The following RASGRP3 variants were observed in gnomAD, a reference collection of about 807,000 sequenced individuals.
The protein encoded by RASGRP3 is RAS guanyl releasing protein 3, also known as ras guanyl-releasing protein 3.
Under a neutral mutation model 82.7 loss-of-function variants are expected in RASGRP3, and 54 were observed. The ratio of observed to expected loss-of-function variants is 0.65; its 90% confidence interval spans 0.52 to 0.82. The LOEUF is 0.82. RASGRP3 is among the 40% of genes least tolerant of loss of function. RASGRP3 has a pLI of 0.00. For synonymous variants in RASGRP3, 309 were observed against 300.5 expected (o/e 1.03, Z -0.29); for missense variants, 861 against 828.9 (o/e 1.04, Z -0.48).
intron 3 of RASGRP3, among the ~76,000 whole-genome samples, chr2:33,515,724 C>T (rs531961862): frequency 9.3e-4 from 141 of 152,306 alleles, no homozygotes; most frequent in African/African-American, 3.2e-3. Flanking sequence ...CTAGATTATA[C>T]ACTTTTCAGC....
chr2:33,512,448 G>A (rs1465450270), intron 2 of RASGRP3, among the ~76,000 whole-genome samples: 3 of 152,148 alleles, frequency 2.0e-5, no homozygotes, highest in Admixed American at 1.3e-4. Flanking sequence ...CTTGTTAATT[G>A]TTCAATCTTG....
rs531880386 is a variant in RASGRP3, at chr2:33,446,061, T to C, written c.-384-1759T>C. On this transcript the variant is annotated intron_variant, in intron 1 of 18. Transcript: ENST00000402538. Reference sequence around the variant, plus strand: ...CTAATTTTACTGTTAAACTTTGTGCTTGCCTTTTCCTGAAGGACAAAGTAC... The same window carrying C: ...CTAATTTTACTGTTAAACTTTGTGCCTGCCTTTTCCTGAAGGACAAAGTAC... 2.0e-5 allele frequency among the ~76,000 whole-genome samples: 3 copies of C among 152,362 alleles called. No individual in the cohort carries two copies. The South Asian group carries it at 6.2e-4, about 32-fold the overall frequency.
intron 17 of RASGRP3, among the ~76,000 whole-genome samples, 173 bp from the exon 18 acceptor site, chr2:33,562,555 GC>G (rs1558534741): frequency 1.3e-5 from 2 of 152,144 alleles, no homozygotes; most frequent in Non-Finnish European, 2.9e-5. Context: ...ATAGGTGTGA[GC>G]CACTGCACCC....
intron 1 of RASGRP3, among the ~76,000 whole-genome samples, chr2:33,492,413 TAGATCTCC>T (rs1349082429): frequency 6.6e-6 from 1 of 152,230 alleles, no homozygotes; most frequent in Non-Finnish European, 1.5e-5. Context: ...CAGGATTGTA[TAGATCTCC>T]AGTCCTTGGT....
At chr2:33,528,363 C>T (rs530098554) in intron 10 of RASGRP3, among the ~76,000 whole-genome samples, 2 of 152,206 alleles carry the variant, frequency 1.3e-5, no homozygotes, top group Non-Finnish European at 2.9e-5. Flanking sequence ...ACATGTTTAG[C>T]TGGTCTCTGC....
chr2:33,502,967 T>C (rs1421054525), intron 1 of RASGRP3, among the ~76,000 whole-genome samples: 2 of 152,200 alleles, frequency 1.3e-5, no homozygotes, highest in African/African-American at 4.8e-5. Flanking sequence ...AAAGCTAATC[T>C]GGCATGGTAG....
In RASGRP3 at chr2:33,556,231, CTTTTTTTTTTTTTTT is replaced by C. The variant is rs573022728; in HGVS notation, c.1579+677_1579+691del. Among the ~76,000 whole-genome samples the C allele has an allele frequency of 1.7e-4, 10 of 57,498 alleles. 2 individuals are homozygous for C. Among genetic ancestry groups the C allele is most frequent in the Non-Finnish European group, 8.5e-5 (3 of 35,342 alleles). 37.7% of individuals were successfully genotyped at this position (57,498 alleles called of 152,430 possible). On this transcript the variant is annotated intron_variant, in intron 15 of 17. Transcript: ENST00000403687. ...CAGTTTATATGGTTCTTCTAATAAT[CTTTTTTTTTTTTTTT>C]TTTTTTTTTTTTGAGACGGAGTCTC...
chr2:33,555,224 C>T, intron 14 of RASGRP3: 1 of 222,990 alleles, frequency 4.5e-6, no homozygotes, highest in Non-Finnish European at 8.7e-6. Flanking sequence ...ACCAAGTGGC[C>T]ATCTCCTCTG....
At chr2:33,552,296 T>C (rs1268637040) in intron 14 of RASGRP3, among the ~76,000 whole-genome samples, 2 of 152,194 alleles carry the variant, frequency 1.3e-5, no homozygotes, top group Non-Finnish European at 2.9e-5. Flanking sequence ...ATTCACCATC[T>C]TTGGGTCTAT....
intron 3 of RASGRP3, among the ~76,000 whole-genome samples, chr2:33,515,923 A>G (rs762427173): frequency 5.9e-5 from 9 of 152,222 alleles, no homozygotes; most frequent in South Asian, 2.1e-4. Context: ...TCTGACAATC[A>G]TTTTTAGTGT....
At chr2:33,498,118 T>C (rs1669495616) in intron 1 of RASGRP3, among the ~76,000 whole-genome samples, 1 of 152,182 alleles carries the variant, frequency 6.6e-6, no homozygotes, top group Non-Finnish European at 1.5e-5. Context: ...ATAGGAATCA[T>C]TGCATCCCTC....
chr2:33,516,614 C>T lies in RASGRP3; in HGVS notation c.143C>T (p.Ser48Phe), dbSNP rs1220572415. The T allele has an allele frequency of 1.3e-6, 2 of 1,586,912 alleles. No homozygotes were observed. Among genetic ancestry groups the T allele is most frequent in the South Asian group, 1.1e-5 (1 of 87,812 alleles). ...VLLMHRWYLS[S>F]TELAEKLLCM... Reference sequence around the variant, plus strand: ...CTGATGCACCGATGGTATTTATCTTCCACTGAATTGGCAGAAAAACTTCTC... The same window carrying T: ...CTGATGCACCGATGGTATTTATCTTTCACTGAATTGGCAGAAAAACTTCTC... The change falls in exon 4 of 18, where the codon TCC becomes TTC. Residue 48 changes from serine to phenylalanine, a missense_variant. Ser to Phe is a radical substitution (Grantham distance 155). Transcript: ENST00000403687.
chr2:33,444,404 T>C (rs540052741), intron 1 of RASGRP3, among the ~76,000 whole-genome samples: 6 of 152,332 alleles, frequency 3.9e-5, no homozygotes, highest in Non-Finnish European at 4.4e-5. Context: ...AAACTTTATA[T>C]TCCCTTTTTG....
At chr2:33,483,979 G>T (rs1574306301) in intron 1 of RASGRP3, among the ~76,000 whole-genome samples, 1 of 152,082 alleles carries the variant, frequency 6.6e-6, no homozygotes. Flanking sequence ...AGACAGAGAG[G>T]TGATCAATCT....
chr2:33,442,223 G>T (rs568152064), intron 1 of RASGRP3, among the ~76,000 whole-genome samples: 1 of 152,182 alleles, frequency 6.6e-6, no homozygotes, highest in Non-Finnish European at 1.5e-5. Flanking sequence ...ACTTAGCCAG[G>T]CGTGATGGCA....
chr2:33,506,653 C>G (rs1017995345), intron 1 of RASGRP3, among the ~76,000 whole-genome samples: 6 of 152,192 alleles, frequency 3.9e-5, no homozygotes, highest in African/African-American at 1.4e-4. Flanking sequence ...ATTTTTAAAT[C>G]TAGGAAAATC....
intron 2 of RASGRP3, among the ~76,000 whole-genome samples, chr2:33,462,270 G>A (rs1305547564): frequency 1.3e-5 from 2 of 152,088 alleles, no homozygotes; most frequent in African/African-American, 4.8e-5. Context: ...AAGGAGGCCT[G>A]TGTTGATTGT....
chr2:33,558,222 A>G lies in RASGRP3; in HGVS notation c.1591A>G (p.Asn531Asp), dbSNP rs1246171417. The G allele has an allele frequency of 1.2e-6, 2 of 1,611,318 alleles. No individual in the cohort carries two copies. The highest frequency in any genetic ancestry group is 4.5e-5 in the East Asian group (2 of 44,844). The change falls in exon 16 of 18, where the codon AAT becomes GAT. Residue 531 changes from asparagine (N) to aspartate (D), a missense_variant. Coordinates refer to ENST00000403687, the MANE Select transcript of RASGRP3 (RefSeq NM_001139488.2). ...QGYKCKDCGANCHKQCKDLLV... is the reference protein window; with the variant it reads ...QGYKCKDCGADCHKQCKDLLV... ...TTGGAATTTTTCAGACTGTGGAGCC[A>G]ATTGTCACAAACAGTGCAAAGACCT... is the stretch of plus-strand genomic sequence containing the variant.
chr2:33,499,404 C>A (rs1272509960), intron 1 of RASGRP3, among the ~76,000 whole-genome samples: 2 of 151,924 alleles, frequency 1.3e-5, no homozygotes, highest in Non-Finnish European at 2.9e-5. Flanking sequence ...ACCAAAAATA[C>A]AAAAATTAGC....
Sources: allele counts gnomAD v4.1 joint callset (sites outside exome capture counted in the v4.1 genomes callset), GRCh38; gene constraint gnomAD v4.1.1; transcripts MANE v1.5; gene names NCBI Gene and HGNC (gene_info 2026-07-23, HGNC 2026-07-21).